NHSL1: variants seen among roughly 807,000 people sequenced by gnomAD.
NHSL1 encodes NHS-like protein 1.
NHSL1 carries 48 observed loss-of-function variants against 95.0 expected under a neutral mutation model. The observed-to-expected ratio is 0.51, with a 90% CI of 0.40 to 0.64. NHSL1 has a LOEUF of 0.64. Ranked by LOEUF, NHSL1 falls within the 30% of genes least tolerant of loss-of-function variation. NHSL1 has a pLI of 0.00. For missense variants in NHSL1, 1,971 were observed against 2,077.7 expected, an observed-to-expected ratio of 0.95 and a Z score of 1.00; for synonymous variants, 783 against 833.9, an observed-to-expected ratio of 0.94 and a Z score of 1.05.
intron 3 of NHSL1, among the ~76,000 whole-genome samples, chr6:138,470,211 C>T (rs1778662217): frequency 6.6e-6 from 1 of 152,106 alleles, no homozygotes; most frequent in South Asian, 2.1e-4. Context: ...AGGAAAAATA[C>T]AAGTTCCCCA....
At chr6:138,580,291 G>A (rs1015658237) in intron 1 of NHSL1, among the ~76,000 whole-genome samples, 1 of 152,166 alleles carries the variant, frequency 6.6e-6, no homozygotes, top group East Asian at 1.9e-4. Context: ...CCCTAGAGGA[G>A]TATAAAATGT....
At chr6:138,541,940 G>T (rs1291946836) in intron 1 of NHSL1, among the ~76,000 whole-genome samples, 8 of 152,142 alleles carry the variant, frequency 5.3e-5, no homozygotes, top group Non-Finnish European at 1.0e-4. Context: ...CTGCCCTCAG[G>T]CTATGTGATT....
chr6:138,641,622 CAA>C (rs771307557), intron 1 of NHSL1, among the ~76,000 whole-genome samples: 188 of 76,408 alleles, frequency 2.5e-3, no homozygotes, highest in Admixed American at 4.3e-3. Flanking sequence ...GACTCCGTCT[CAA>C]AAAAAAAAAA....
At chr6:138,653,746 C>T (rs780485318) in intron 1 of NHSL1, among the ~76,000 whole-genome samples, 3 of 152,212 alleles carry the variant, frequency 2.0e-5, no homozygotes, top group Non-Finnish European at 4.4e-5. Flanking sequence ...AGATATTTCA[C>T]ATCACCACGC....
rs56326954 is a variant in NHSL1 at position 138,423,815 on chromosome 6, CAAAAAAAAA to C, written c.*257_*265del. On this transcript the variant is annotated 3_prime_UTR_variant, in exon 8 of 8. Transcript: ENST00000343505. Reference sequence around the variant, plus strand: ...GCACACATACACACCCAGCATTTAGCAAAAAAAAAAAAAAAAAAAAAAAATCTTCCCCGG... The same window carrying C: ...GCACACATACACACCCAGCATTTAGCAAAAAAAAAAAAAAATCTTCCCCGG... 54 of 139,102 alleles carry C rather than the reference CAAAAAAAAA, an allele frequency of 3.9e-4. No individual in the cohort carries two copies. The highest frequency in any genetic ancestry group is 1.2e-3 in the East Asian group (8 of 6,726). 8.6% of individuals were successfully genotyped at this position (139,102 alleles called of 1,614,324 possible).
chr6:138,473,276 C>T (rs772364809), intron 3 of NHSL1, 30 bp downstream of exon 3: 111 of 1,507,896 alleles, frequency 7.4e-5, no homozygotes, highest in South Asian at 2.8e-4. Context: ...GGACCCAACC[C>T]AGGACCCCGT....
chr6:138,486,033 A>G (rs1779707918), intron 2 of NHSL1, among the ~76,000 whole-genome samples: 1 of 151,962 alleles, frequency 6.6e-6, no homozygotes, highest in Non-Finnish European at 1.5e-5. Flanking sequence ...CGCTTCCCCA[A>G]TTCCCTCTAG....
At chr6:138,506,695 A>G (rs1274439864) in intron 1 of NHSL1, among the ~76,000 whole-genome samples, 2 of 152,206 alleles carry the variant, frequency 1.3e-5, no homozygotes, top group African/African-American at 2.4e-5. Context: ...GAATAGTAAG[A>G]GTTTGATAGG....
intron 1 of NHSL1, among the ~76,000 whole-genome samples, chr6:138,498,321 G>A (rs935419974): frequency 4.6e-5 from 7 of 152,206 alleles, no homozygotes; most frequent in Non-Finnish European, 8.8e-5. Context: ...CCACTGCACA[G>A]CTACCAACTG....
chr6:138,648,845 G>A (rs1785052821), intron 1 of NHSL1, among the ~76,000 whole-genome samples: 1 of 151,968 alleles, frequency 6.6e-6, no homozygotes, highest in African/African-American at 2.4e-5. Flanking sequence ...TTTAACTTCT[G>A]GGAAAATATT....
At chr6:138,668,403 A>C (rs968195717) in intron 1 of NHSL1, among the ~76,000 whole-genome samples, 3 of 151,912 alleles carry the variant, frequency 2.0e-5, no homozygotes, top group Admixed American at 2.0e-4. Flanking sequence ...AGATGGTGCC[A>C]TTGCACTCCA....
chr6:138,666,999 T>C (rs1281550607), intron 1 of NHSL1, among the ~76,000 whole-genome samples: 1 of 152,194 alleles, frequency 6.6e-6, no homozygotes, highest in Non-Finnish European at 1.5e-5. Context: ...ATTAAACACA[T>C]ACTCTCTCAA....
intron 1 of NHSL1, among the ~76,000 whole-genome samples, chr6:138,557,609 G>A (rs1193358568): frequency 6.6e-6 from 1 of 152,216 alleles, no homozygotes; most frequent in African/African-American, 2.4e-5. Context: ...GGCCATCAGG[G>A]CATCACCAGG....
intron 1 of NHSL1, among the ~76,000 whole-genome samples, chr6:138,518,765 C>T (rs991009059): frequency 2.6e-5 from 4 of 152,174 alleles, no homozygotes; most frequent in African/African-American, 4.8e-5. Context: ...CGCCTGTAAT[C>T]CCAGCACTTT....
At chr6:138,447,233 A>T (rs1482296544) in intron 3 of NHSL1, 40 bp from the exon 4 acceptor site, 2 of 1,451,154 alleles carry the variant, frequency 1.4e-6, no homozygotes, top group East Asian at 4.9e-5. Flanking sequence ...GTGTATAAAG[A>T]GCTGGCAGAA....
intron 1 of NHSL1, among the ~76,000 whole-genome samples, chr6:138,685,582 G>A (rs561835011): frequency 6.6e-6 from 1 of 152,072 alleles, no homozygotes; most frequent in South Asian, 2.1e-4. Flanking sequence ...TGGGTGTGCT[G>A]GCTTACCCCT....
At position 138,432,871 on chromosome 6, in the gene NHSL1, C is replaced by G. The variant is rs757529652; in HGVS notation, c.1474G>C (p.Ala492Pro). Residue 492 changes from alanine to proline, a missense_variant, in exon 6 of 8, where the codon GCA (alanine) becomes CCA (proline). Around this residue, in one of 3 missense-constraint regions of NHSL1, gnomAD observed 1,602 missense variants for 1,654.5 expected, o/e 0.97. Coordinates refer to ENST00000343505, the MANE Select transcript of NHSL1 (RefSeq NM_001144060.2). The surrounding 1 kb of genome is among the most constrained non-coding windows in gnomAD (Gnocchi z 4.4). ...DLDPHSPGEP[A>P]LLSLCDSAVP... ...GCTGAGTCACAGAGGGACAACAGTG[C>G]GGGTTCACCAGGGGAATGAGGGTCT... 1 of 1,551,450 alleles carries G rather than the reference C, an allele frequency of 6.4e-7. No homozygotes were observed. The highest frequency in any genetic ancestry group is 8.7e-7 in the Non-Finnish European group (1 of 1,146,804).
chr6:138,613,626 A>G (rs769323472), intron 1 of NHSL1, among the ~76,000 whole-genome samples: 1 of 152,164 alleles, frequency 6.6e-6, no homozygotes, highest in Non-Finnish European at 1.5e-5. Flanking sequence ...CTTGCGGATA[A>G]ACGGACTGCC....
chr6:138,554,838 G>A (rs1298927459), intron 1 of NHSL1, among the ~76,000 whole-genome samples: 1 of 152,152 alleles, frequency 6.6e-6, no homozygotes, highest in Non-Finnish European at 1.5e-5. Flanking sequence ...TAGTGACAAC[G>A]TTTCAAGGAA....
Sources: gnomAD v4.1 joint callset for allele counts (sites outside exome capture counted in the v4.1 genomes callset) on GRCh38, gnomAD v4.1.1 for gene constraint, gnomAD v4.1.1 regional missense constraint, Gnocchi (gnomAD v3.1) non-coding constraint, MANE v1.5 for transcripts, NCBI Gene and HGNC (gene_info 2026-07-23, HGNC 2026-07-21) for gene names.